ZNF141: variants seen among roughly 807,000 people sequenced by gnomAD.
ZNF141 encodes zinc finger protein 141, also known as zinc finger protein 141 (clone pHZ-44).
A neutral mutation model predicts 11.3 loss-of-function variants in ZNF141; 7 were observed. The observed-to-expected ratio is 0.62, with a 90% CI of 0.35 to 1.16. The LOEUF (loss-of-function observed/expected upper bound fraction) is 1.16. Among genes scored for constraint, ZNF141 ranks in the 50% most tolerant of loss-of-function variants. The pLI is 0.02. For synonymous variants in ZNF141, 183 were observed against 190.7 expected (o/e 0.96, Z 0.33); for missense variants, 535 against 554.0 (o/e 0.97, Z 0.34).
At chr4:347,061 G>C (rs1410835036) in intron 3 of ZNF141, among the ~76,000 whole-genome samples, 7 of 148,106 alleles carry the variant, frequency 4.7e-5, no homozygotes, top group Admixed American at 4.7e-4. Flanking sequence ...TTTTGAGATG[G>C]AGTTTCACTC....
chr4:344,882 C>T (rs782433480), intron 3 of ZNF141, among the ~76,000 whole-genome samples: 2 of 152,144 alleles, frequency 1.3e-5, no homozygotes, highest in Non-Finnish European at 2.9e-5. Flanking sequence ...CATTTTTTCT[C>T]ATGTTCACAA....
rs1553855749 is a variant in ZNF141, at chr4:381,945, A to ATTTTTTTTTTTTTTTTTTTTT, written c.*8083_*8084insTTTTTTTTTTTTTTTTTTTTT. On this transcript the variant is annotated 3_prime_UTR_variant, in exon 4 of 4. Coordinates refer to ENST00000240499, the MANE Select transcript of ZNF141 (RefSeq NM_003441.4). ...GCTAGGGCCACCACCATCTCTGGGAACTTTTTTTTTTTTTTTTTTTGAGAC... is the reference window on the plus strand; with the variant it reads ...GCTAGGGCCACCACCATCTCTGGGAATTTTTTTTTTTTTTTTTTTTTCTTTTTTTTTTTTTTTTTTTGAGAC... Among the ~76,000 whole-genome samples, 2 of 110,058 alleles carry ATTTTTTTTTTTTTTTTTTTTT rather than the reference A, an allele frequency of 1.8e-5. No homozygotes were observed. Among genetic ancestry groups the ATTTTTTTTTTTTTTTTTTTTT allele is most frequent in the Non-Finnish European group, 3.5e-5 (2 of 57,760 alleles). 72.2% of individuals were successfully genotyped at this position (110,058 alleles called of 152,430 possible). A position where few individuals can be genotyped will look rare whatever the true frequency, so the allele number is the denominator to read the frequency against.
chr4:346,893 A>ACACACACACCCC (rs373224939), intron 3 of ZNF141, among the ~76,000 whole-genome samples: 1 of 135,440 alleles, frequency 7.4e-6, no homozygotes, highest in Admixed American at 7.3e-5. Context: ...ACACACACAC[A>ACACACACACCCC]CCGCCCCCCC....
At chr4:343,638 T>C in intron 1 of ZNF141, 144 bp from the exon 2 acceptor site, 4 of 911,848 alleles carry the variant, frequency 4.4e-6, no homozygotes, top group South Asian at 2.3e-5. Context: ...GGCAGGAGAA[T>C]GGTGTGAACC....
intron 1 of ZNF141, 149 bp from the exon 2 acceptor site, chr4:343,630 CAGG>C: frequency 1.2e-6 from 1 of 864,926 alleles, no homozygotes; most frequent in East Asian, 3.8e-5. Flanking sequence ...GAGGCTGAGG[CAGG>C]AGAATGGTGT....
rs1486246030 is a variant in ZNF141 at position 381,109 on chromosome 4, T to C, written c.*7247T>C. Among the ~76,000 whole-genome samples, 2 of 152,214 alleles carry C rather than the reference T, an allele frequency of 1.3e-5. No homozygotes were observed. The highest frequency in any genetic ancestry group is 4.8e-5 in the African/African-American group (2 of 41,464). ...TGTAATGTAATTAAATATTATTTAC[T>C]ACAAACTCACATAGTACATTATGAC... is the stretch of plus-strand genomic sequence containing the variant. On this transcript the variant is annotated 3_prime_UTR_variant, in exon 4 of 4. Coordinates refer to ENST00000240499, the MANE Select transcript of ZNF141 (RefSeq NM_003441.4).
At chr4:345,676 C>G (rs572930370) in intron 3 of ZNF141, among the ~76,000 whole-genome samples, 1 of 141,820 alleles carries the variant, frequency 7.1e-6, no homozygotes, top group Non-Finnish European at 1.5e-5. Context: ...TGCGGTTTGC[C>G]GAGATTTTGC....
Position 381,448 on chromosome 4 carries a change from G to A in ZNF141, c.*7586G>A, listed in dbSNP as rs1042858456. On this transcript the variant is annotated 3_prime_UTR_variant, in exon 4 of 4. Coordinates refer to ENST00000240499, the MANE Select transcript of ZNF141 (RefSeq NM_003441.4). ...TTTTGAGACGTTGTCTTGCTCTGTC[G>A]CCCAGGCTGGAGTGCAGTGGTGCAA... Among the ~76,000 whole-genome samples the A allele has an allele frequency of 6.0e-5, 7 of 117,010 alleles. 1 individual carries two copies. Among genetic ancestry groups the A allele is most frequent in the Admixed American group, 5.0e-4 (4 of 7,926 alleles). 76.8% of individuals were successfully genotyped at this position (117,010 alleles called of 152,430 possible). A position where few individuals can be genotyped will look rare whatever the true frequency, so the allele number is the denominator to read the frequency against.
intron 3 of ZNF141, among the ~76,000 whole-genome samples, chr4:370,830 A>G (rs1712018853): frequency 6.6e-6 from 1 of 151,862 alleles, no homozygotes; most frequent in South Asian, 2.1e-4. Flanking sequence ...TCCCAGGTTC[A>G]CACCATTCTC....
chr4:371,806 C>T (rs1406220363), intron 3 of ZNF141, among the ~76,000 whole-genome samples: 1 of 152,150 alleles, frequency 6.6e-6, no homozygotes, highest in Non-Finnish European at 1.5e-5. Context: ...TCCCAAAGTG[C>T]TGGGATTACA....
At chr4:362,453 C>T (rs1331740248) in intron 3 of ZNF141, among the ~76,000 whole-genome samples, 1 of 152,156 alleles carries the variant, frequency 6.6e-6, no homozygotes, top group Non-Finnish European at 1.5e-5. Context: ...AGTACTTGCC[C>T]ATGCCTGTGT....
At chr4:364,666 G>A (rs6831791) in intron 3 of ZNF141, among the ~76,000 whole-genome samples, 65,864 of 151,836 alleles carry the variant, frequency 0.43, 14,878 homozygotes, top group African/African-American at 0.57. Context: ...AGACTGCAGA[G>A]CGGCAAATAT....
At chr4:356,088 G>A (rs921677719) in intron 3 of ZNF141, among the ~76,000 whole-genome samples, 17 of 151,700 alleles carry the variant, frequency 1.1e-4, no homozygotes, top group Non-Finnish European at 1.5e-4. Flanking sequence ...AAAACTAGCC[G>A]GGTGCGGTGG....
At chr4:370,888 G>A (rs1005271095) in intron 3 of ZNF141, among the ~76,000 whole-genome samples, 2 of 151,522 alleles carry the variant, frequency 1.3e-5, no homozygotes, top group Non-Finnish European at 2.9e-5. Flanking sequence ...CCACCACCAC[G>A]CCCAGCTAAT....
intron 1 of ZNF141, among the ~76,000 whole-genome samples, chr4:340,790 T>G (rs375276758): frequency 6.6e-6 from 1 of 152,256 alleles, no homozygotes; most frequent in African/African-American, 2.4e-5. Context: ...AATGCCATAC[T>G]GGACACTATA....
At chr4:339,782 A>G (rs1553848135) in intron 1 of ZNF141, among the ~76,000 whole-genome samples, 1 of 152,248 alleles carries the variant, frequency 6.6e-6, no homozygotes, top group Non-Finnish European at 1.5e-5. Context: ...GCAAGAATAT[A>G]TAACCTATTC....
At chr4:344,268 G>A (rs1553849094) in intron 2 of ZNF141, 67 bp from the exon 3 acceptor site, 1 of 1,343,496 alleles carries the variant, frequency 7.4e-7, no homozygotes, top group South Asian at 1.2e-5. Context: ...GCTTAGCGTA[G>A]TACTAGGTTG....
chr4:373,182 C>A lies in ZNF141; in HGVS notation c.745C>A (p.His249Asn). ...ACACTTTGCTAAGCATAAAATAATT[C>A]ATACTGGAGAAAAACCCTATAAATG... ...SSHFAKHKIIHTGEKPYKCEE... is the reference protein window; with the variant it reads ...SSHFAKHKIINTGEKPYKCEE... The change falls in exon 4 of 4, where the codon CAT (histidine) becomes AAT (asparagine). Residue 249 changes from histidine to asparagine, a missense_variant. Transcript: ENST00000240499. 6.2e-7 allele frequency: 1 copy of A among 1,613,932 alleles called. No homozygotes were observed. The highest frequency in any genetic ancestry group is 1.3e-5 in the African/African-American group (1 of 74,994).
At chr4:345,085 T>A (rs1462158465) in intron 3 of ZNF141, among the ~76,000 whole-genome samples, 3 of 152,156 alleles carry the variant, frequency 2.0e-5, no homozygotes, top group African/African-American at 7.2e-5. Context: ...TGTCAAAGTA[T>A]TTTTTTCAAG....
Sources: allele counts gnomAD v4.1 joint callset (sites outside exome capture counted in the v4.1 genomes callset), GRCh38; gene constraint gnomAD v4.1.1; transcripts MANE v1.5; gene names NCBI Gene and HGNC (gene_info 2026-07-23, HGNC 2026-07-21).